The following ASH2L variants were observed in gnomAD, a reference collection of about 807,000 sequenced individuals.
ASH2L encodes the protein ASH2 like, histone lysine methyltransferase complex subunit, also known as set1/Ash2 histone methyltransferase complex subunit ASH2.
In ASH2L, 30 loss-of-function variants were observed where a neutral mutation model predicts 81.1. The ratio of observed to expected loss-of-function variants is 0.37; its 90% CI spans 0.28 to 0.50. The LOEUF is 0.50. Ranked by LOEUF, ASH2L falls within the 20% of genes least tolerant of loss-of-function variation. The pLI is 0.95. For missense variants in ASH2L, 559 were observed against 792.1 expected (o/e 0.71, Z 3.53); for synonymous variants, 273 against 279.9 (o/e 0.98, Z 0.24).
intron 14 of ASH2L, chr8:38,137,351 C>T (rs1394745837): frequency 1.3e-5 from 2 of 148,640 alleles, no homozygotes; most frequent in Non-Finnish European, 3.0e-5. Flanking sequence ...TCGAGACCAT[C>T]CTGGCTAACA....
At chr8:38,112,343 A>T (rs1241453157) in intron 5 of ASH2L, among the ~76,000 whole-genome samples, 1 of 150,526 alleles carries the variant, frequency 6.6e-6, no homozygotes, top group Non-Finnish European at 1.5e-5. Flanking sequence ...ATGAATTAAA[A>T]TTTTTTAAGT....
rs538380352 is a variant in ASH2L, at chr8:38,130,293, T to G, written c.1527+1342T>G. On this transcript the variant is annotated intron_variant, in intron 12 of 15. Transcript: ENST00000343823. Reference sequence around the variant, plus strand: ...AAACAGGTTTGGTATTTTTTGTTTTTTTTTTTTTTTCCATGTTGCCCAGGC... The same window carrying G: ...AAACAGGTTTGGTATTTTTTGTTTTGTTTTTTTTTTCCATGTTGCCCAGGC... Among the ~76,000 whole-genome samples the G allele has an allele frequency of 2.2e-4, 33 of 149,960 alleles. No individual in the cohort carries two copies. The East Asian group carries it at 3.7e-3, about 17-fold the overall frequency.
chr8:38,128,507 C>T (rs369139410), intron 11 of ASH2L, 49 bp downstream of exon 11: 5 of 1,591,364 alleles, frequency 3.1e-6, no homozygotes, highest in Non-Finnish European at 4.3e-6. Context: ...AGAGGATAGA[C>T]CATCTGGCCA....
Position 38,119,859 on chromosome 8 carries a change from C to A in ASH2L, c.947+496C>A, listed in dbSNP as rs146845641. 6.0e-3 allele frequency among the ~76,000 whole-genome samples: 905 copies of A among 150,662 alleles called. 9 individuals carry two copies. The highest frequency in any genetic ancestry group is 0.021 in the African/African-American group (861 of 40,956). The stretch of plus-strand genomic sequence containing the variant: ...CCAGGCCGGGCACGGTGGGTCATGC[C>A]TGTAATCCCAGCACTTTGGGAGGCT... On this transcript the variant is annotated intron_variant, in intron 9 of 15. Transcript: ENST00000343823.
intron 14 of ASH2L, among the ~76,000 whole-genome samples, chr8:38,136,769 T>G (rs1178936402): frequency 3.6e-5 from 5 of 138,360 alleles, no homozygotes; most frequent in Admixed American, 2.3e-4. Context: ...CGAGACTCTG[T>G]GTCAAAAAAA....
intron 5 of ASH2L, among the ~76,000 whole-genome samples, chr8:38,112,069 C>G (rs1810705085): frequency 6.6e-6 from 1 of 152,156 alleles, no homozygotes; most frequent in Non-Finnish European, 1.5e-5. Context: ...TGCAGTGGCA[C>G]AGGCCCGGCT....
rs57920604 is a variant in ASH2L at position 38,126,853 on chromosome 8, C to CAAA, written c.1166-1434_1166-1432dup. On this transcript the variant is annotated intron_variant, in intron 10 of 15. Transcript: ENST00000343823. The stretch of plus-strand genomic sequence containing the variant: ...TGGGCAAAAGAGCGAGACTCTGTCT[C>CAAA]AAAAAAGAAAGAAAGTTTGAAATTG... Among the ~76,000 whole-genome samples, 3 of 129,782 alleles carry CAAA rather than the reference C, an allele frequency of 2.3e-5. No homozygotes were observed. The Admixed American group carries it at 2.4e-4, about 10-fold the overall frequency. The allele number at this position is 129,782 out of a possible 152,430, so 85.1% of individuals were successfully genotyped here.
intron 10 of ASH2L, among the ~76,000 whole-genome samples, chr8:38,122,903 C>T (rs1380823722): frequency 2.0e-5 from 3 of 151,714 alleles, no homozygotes; most frequent in Admixed American, 6.6e-5. Context: ...GCCACCACAC[C>T]TAGCTGGGTT....
chr8:38,111,100 A>G (rs201497435), intron 5 of ASH2L, among the ~76,000 whole-genome samples: 1 of 151,972 alleles, frequency 6.6e-6, no homozygotes, highest in African/African-American at 2.4e-5. Context: ...ACGCCCAGCT[A>G]ATTTTTTGTA....
intron 5 of ASH2L, among the ~76,000 whole-genome samples, chr8:38,113,544 C>T (rs1206606148): frequency 6.6e-6 from 1 of 152,086 alleles, no homozygotes; most frequent in African/African-American, 2.4e-5. Context: ...TCGTTTCAGT[C>T]ATGCAAGCAG....
chr8:38,137,321 C>G (rs1437759619), intron 14 of ASH2L, among the ~76,000 whole-genome samples: 2 of 149,682 alleles, frequency 1.3e-5, no homozygotes, highest in Non-Finnish European at 3.0e-5. Flanking sequence ...CCGAGGCGGG[C>G]CGATCATGAG....
intron 12 of ASH2L, among the ~76,000 whole-genome samples, chr8:38,130,747 C>T (rs1802029826): frequency 2.0e-5 from 3 of 152,006 alleles, no homozygotes; most frequent in South Asian, 2.1e-4. Context: ...TACAGGCACC[C>T]GCCACCACAC....
At chr8:38,116,391 G>A (rs1810901153) in intron 7 of ASH2L, among the ~76,000 whole-genome samples, 1 of 151,970 alleles carries the variant, frequency 6.6e-6, no homozygotes, top group East Asian at 1.9e-4. Flanking sequence ...TAATTAGCCA[G>A]GCGTGTTGGT....
chr8:38,110,681 C>A, intron 4 of ASH2L, 58 bp from the exon 5 acceptor site: 2 of 1,404,520 alleles, frequency 1.4e-6, no homozygotes, highest in East Asian at 2.3e-5. Flanking sequence ...CGAGTATTCC[C>A]TTGGTAGTAG....
intron 12 of ASH2L, among the ~76,000 whole-genome samples, chr8:38,132,980 G>A (rs944913541): frequency 1.1e-4 from 16 of 151,742 alleles, no homozygotes; most frequent in Non-Finnish European, 8.8e-5. Context: ...CCAGCTACTC[G>A]AGAGCCTGAG....
Position 38,119,798 on chromosome 8 carries a change from G to A in ASH2L, c.947+435G>A, listed in dbSNP as rs886675332. Among the ~76,000 whole-genome samples, 13 of 151,318 alleles carry A rather than the reference G, an allele frequency of 8.6e-5. 1 individual carries two copies. Among genetic ancestry groups the A allele is most frequent in the South Asian group, 2.1e-4 (1 of 4,766 alleles). On this transcript the variant is annotated intron_variant, in intron 9 of 15. Coordinates refer to ENST00000343823, the MANE Select transcript of ASH2L (RefSeq NM_004674.5). ...ATCCTGGGCAACAGAATGAGACTCC[G>A]TCTCAAAAACAAAACAAAAAACAAA...
chr8:38,119,939 T>G (rs1204366635), intron 9 of ASH2L, among the ~76,000 whole-genome samples: 1 of 151,758 alleles, frequency 6.6e-6, no homozygotes, highest in African/African-American at 2.4e-5. Context: ...GACAATGTGG[T>G]GAAACCCCAT....
chr8:38,106,069 A>G, intron 1 of ASH2L: 1 of 1,524,520 alleles, frequency 6.6e-7, no homozygotes, highest in Non-Finnish European at 8.8e-7. Context: ...GGAAGAAGTA[A>G]CGGTCACTCT....
intron 12 of ASH2L, among the ~76,000 whole-genome samples, chr8:38,131,940 C>T (rs529849401): frequency 3.9e-5 from 6 of 152,044 alleles, no homozygotes; most frequent in Admixed American, 2.0e-4. Flanking sequence ...CCTCTGCCTC[C>T]CAGGTTCAAG....
Sources: allele counts gnomAD v4.1 joint callset (sites outside exome capture counted in the v4.1 genomes callset), GRCh38; gene constraint gnomAD v4.1.1; transcripts MANE v1.5; gene names NCBI Gene and HGNC (gene_info 2026-07-23, HGNC 2026-07-21).